Variants in ACOX2 observed in about 807,000 individuals in gnomAD.
ACOX2 encodes acyl-CoA oxidase 2, also known as peroxisomal acyl-coenzyme A oxidase 2.
A neutral mutation model predicts 77.5 loss-of-function variants in ACOX2; 59 were observed. That is an observed-to-expected ratio of 0.76 (90% CI 0.62 to 0.95). The LOEUF (loss-of-function observed/expected upper bound fraction) is 0.95. Among genes scored for constraint, ACOX2 ranks in the 40% least tolerant of loss-of-function variants. The probability of loss-of-function intolerance (pLI) is 0.00; values close to 1 mark genes in which losing one functional copy is unlikely to be tolerated. For synonymous variants in ACOX2, 317 were observed against 340.1 expected (o/e 0.93, Z 0.75); for missense variants, 837 against 880.4 (o/e 0.95, Z 0.62).
chr3:58,522,856 C>T lies in ACOX2; in HGVS notation c.1527-255G>A, dbSNP rs2063368461. The stretch of plus-strand genomic sequence containing the variant: ...GTCACACAGCTAGTAAGGAGTGGAG[C>T]CAGGATTTTGACTTGTTGTTAATCG... On this transcript the variant is annotated intron_variant, in intron 11 of 14. Transcript: ENST00000302819. This position sits in a 1 kb window ranked among gnomAD's most constrained non-coding sequence, Gnocchi z 4.3. The T allele has an allele frequency of 2.4e-6, 1 of 425,174 alleles. No individual in the cohort carries two copies. The highest frequency in any genetic ancestry group is 3.5e-5 in the Admixed American group (1 of 28,864). 26.3% of individuals were successfully genotyped at this position (425,174 alleles called of 1,614,324 possible).
chr3:58,507,518 G>A (rs960329571), intron 14 of ACOX2, among the ~76,000 whole-genome samples: 4 of 152,192 alleles, frequency 2.6e-5, no homozygotes, highest in Non-Finnish European at 5.9e-5. Flanking sequence ...TGTGTTGCCA[G>A]TATAACAGGT....
rs1054487646 is a variant in ACOX2 at position 58,522,087 on chromosome 3, ACCCAGGTCAGTG to A, written c.1632+397_1632+408del. Among the ~76,000 whole-genome samples the A allele has an allele frequency of 6.6e-6, 1 of 152,136 alleles. No homozygotes were observed. The highest frequency in any genetic ancestry group is 1.5e-5 in the Non-Finnish European group (1 of 68,036). ...ATGGGCAGTGGCTTCACTGTTGAGCACCCAGGTCAGTGCCCAGGGCAGAGTGGGTGCTCAAAT... is the reference window on the plus strand; with the variant it reads ...ATGGGCAGTGGCTTCACTGTTGAGCACCCAGGGCAGAGTGGGTGCTCAAAT... On this transcript the variant is annotated intron_variant, in intron 12 of 14. Transcript: ENST00000302819. This position sits in a 1 kb window ranked among gnomAD's most constrained non-coding sequence, Gnocchi z 4.3.
At chr3:58,518,075 C>CAAAAAAAAAAAAAAAAAA (rs763535906) in intron 12 of ACOX2, among the ~76,000 whole-genome samples, 26 of 47,678 alleles carry the variant, frequency 5.5e-4, no homozygotes, top group African/African-American at 7.3e-4. Flanking sequence ...AACTCCATCT[C>CAAAAAAAAAAAAAAAAAA]AAAAAAAAAA....
In ACOX2 at chr3:58,534,771, C is replaced by A. The variant is rs1342349701; in HGVS notation, c.160+176G>T. 1.5e-6 allele frequency: 2 copies of A among 1,355,724 alleles called. No homozygotes were observed. Among genetic ancestry groups the A allele is most frequent in the Non-Finnish European group, 2.1e-6 (2 of 970,334 alleles). The allele number at this position is 1,355,724 out of a possible 1,614,324, so 84.0% of individuals were successfully genotyped here. ...AGGACTCTTCTATCCCCTAGGTGGGCTCAGGCAATATTGACATGTGAAGAT... is the reference window on the plus strand; with the variant it reads ...AGGACTCTTCTATCCCCTAGGTGGGATCAGGCAATATTGACATGTGAAGAT... On this transcript the variant is annotated intron_variant, in intron 2 of 14. Coordinates refer to ENST00000302819, the MANE Select transcript of ACOX2 (RefSeq NM_003500.4). This position sits in a 1 kb window ranked among gnomAD's most constrained non-coding sequence, Gnocchi z 4.8.
Position 58,533,441 on chromosome 3 carries a change from T to C in ACOX2, c.583+4A>G. 22 of 1,613,092 alleles carry C rather than the reference T, an allele frequency of 1.4e-5. No individual in the cohort carries two copies. The highest frequency in any genetic ancestry group is 1.9e-5 in the Non-Finnish European group (22 of 1,179,270). On this transcript the variant is annotated splice_donor_region_variant and intron_variant, in intron 5 of 14. Coordinates refer to ENST00000302819, the MANE Select transcript of ACOX2 (RefSeq NM_003500.4). The surrounding 1 kb of genome is among the most constrained non-coding windows in gnomAD (Gnocchi z 5.6). Reference sequence around the variant, plus strand: ...TTAAGGAAGGGGGGTGGATGTATACTCACAGTCTCCAGGCCACCATTTGGT... The same window carrying C: ...TTAAGGAAGGGGGGTGGATGTATACCCACAGTCTCCAGGCCACCATTTGGT...
chr3:58,513,326 T>C (rs1421190415), intron 13 of ACOX2, among the ~76,000 whole-genome samples: 1 of 152,248 alleles, frequency 6.6e-6, no homozygotes, highest in Non-Finnish European at 1.5e-5. Context: ...CTTGAATTAT[T>C]TTATTAATGA....
intron 5 of ACOX2, among the ~76,000 whole-genome samples, chr3:58,532,186 C>T (rs2063445338): frequency 6.6e-6 from 1 of 152,104 alleles, no homozygotes; most frequent in African/African-American, 2.4e-5. Context: ...GTTAAGGAAA[C>T]AGGCTCAGAG....
Position 58,534,682 on chromosome 3 carries a change from C to A in ACOX2, c.161-160G>T. On this transcript the variant is annotated intron_variant, in intron 2 of 14. Transcript: ENST00000302819. This position sits in a 1 kb window ranked among gnomAD's most constrained non-coding sequence, Gnocchi z 4.8. Reference sequence around the variant, plus strand: ...AGGACCAAGGTGGGAAAGTGAATTGCCCAAGGTTACAAAGCTATGCAGTGG... The same window carrying A: ...AGGACCAAGGTGGGAAAGTGAATTGACCAAGGTTACAAAGCTATGCAGTGG... 6.6e-7 allele frequency: 1 copy of A among 1,506,672 alleles called. No individual in the cohort carries two copies. The highest frequency in any genetic ancestry group is 9.0e-7 in the Non-Finnish European group (1 of 1,115,848). The allele number at this position is 1,506,672 out of a possible 1,614,324, so 93.3% of individuals were successfully genotyped here. A position where few individuals can be genotyped will look rare whatever the true frequency, so the allele number is the denominator to read the frequency against.
At position 58,526,707 on chromosome 3, in the gene ACOX2, G is replaced by C; in HGVS notation, c.1156-51C>G. The C allele has an allele frequency of 1.3e-6, 2 of 1,582,990 alleles. No individual in the cohort carries two copies. The highest frequency in any genetic ancestry group is 1.7e-6 in the Non-Finnish European group (2 of 1,161,264). On this transcript the variant is annotated intron_variant, in intron 9 of 14. Transcript: ENST00000302819. This position sits in a 1 kb window ranked among gnomAD's most constrained non-coding sequence, Gnocchi z 4.3. ...GCGGTGTTAGGGGGCCTCCACCATA[G>C]GGACCAACCCTGTGCACCACTTACT...
At chr3:58,530,692 C>T (rs2063432200) in intron 7 of ACOX2, 54 bp from the exon 8 acceptor site, 3 of 1,555,840 alleles carry the variant, frequency 1.9e-6, no homozygotes, top group Non-Finnish European at 2.6e-6. Flanking sequence ...CCAGGATGCC[C>T]TCGCTTCTCC....
rs928080117 is a variant in ACOX2, at chr3:58,534,742, G to T, written c.160+205C>A. On this transcript the variant is annotated intron_variant, in intron 2 of 14. Coordinates refer to ENST00000302819, the MANE Select transcript of ACOX2 (RefSeq NM_003500.4). This position sits in a 1 kb window ranked among gnomAD's most constrained non-coding sequence, Gnocchi z 4.8. Reference sequence around the variant, plus strand: ...AGGACCAGAATCCAGGTCTTCTGCTGCCTAGGACTCTTCTATCCCCTAGGT... The same window carrying T: ...AGGACCAGAATCCAGGTCTTCTGCTTCCTAGGACTCTTCTATCCCCTAGGT... 1.6e-5 allele frequency: 21 copies of T among 1,325,180 alleles called. No homozygotes were observed. Among genetic ancestry groups the T allele is most frequent in the Non-Finnish European group, 2.1e-5 (20 of 949,334 alleles). 82.1% of individuals were successfully genotyped at this position (1,325,180 alleles called of 1,614,324 possible).
chr3:58,526,838 G>A lies in ACOX2; in HGVS notation c.1156-182C>T. ...ACTCAGCTTATGTGACTCACCCAGA[G>A]GCACACAATTAGGCAATGTAGCTGT... On this transcript the variant is annotated intron_variant, in intron 9 of 14. Coordinates refer to ENST00000302819, the MANE Select transcript of ACOX2 (RefSeq NM_003500.4). The surrounding 1 kb of genome is among the most constrained non-coding windows in gnomAD (Gnocchi z 4.3). 1 of 634,934 alleles carries A rather than the reference G, an allele frequency of 1.6e-6. No homozygotes were observed. Among genetic ancestry groups the A allele is most frequent in the Non-Finnish European group, 2.7e-6 (1 of 375,388 alleles). The allele number at this position is 634,934 out of a possible 1,614,324, so 39.3% of individuals were successfully genotyped here. A position where few individuals can be genotyped will look rare whatever the true frequency, so the allele number is the denominator to read the frequency against.
chr3:58,525,944 C>T lies in ACOX2; in HGVS notation c.1346+522G>A, dbSNP rs1010562292. Among the ~76,000 whole-genome samples the T allele has an allele frequency of 8.6e-5, 13 of 151,616 alleles. No homozygotes were observed. Among genetic ancestry groups the T allele is most frequent in the East Asian group, 3.9e-4 (2 of 5,178 alleles). On this transcript the variant is annotated intron_variant, in intron 10 of 14. Coordinates refer to ENST00000302819, the MANE Select transcript of ACOX2 (RefSeq NM_003500.4). This position sits in a 1 kb window ranked among gnomAD's most constrained non-coding sequence, Gnocchi z 5.0. ...AGGCAGGAGAATTGCTTGAACCCGGCGGGCAGAGGTTGCAGTGAGCCGAGA... is the reference window on the plus strand; with the variant it reads ...AGGCAGGAGAATTGCTTGAACCCGGTGGGCAGAGGTTGCAGTGAGCCGAGA...
chr3:58,533,094 C>T lies in ACOX2; in HGVS notation c.583+351G>A, dbSNP rs182591159. On this transcript the variant is annotated intron_variant, in intron 5 of 14. Coordinates refer to ENST00000302819, the MANE Select transcript of ACOX2 (RefSeq NM_003500.4). The surrounding 1 kb of genome is among the most constrained non-coding windows in gnomAD (Gnocchi z 5.6). ...CTGGTGGCAAGCTCTGCCACTAACTCGGGAGATGAGAGGAACCGGGGTTGT... is the reference window on the plus strand; with the variant it reads ...CTGGTGGCAAGCTCTGCCACTAACTTGGGAGATGAGAGGAACCGGGGTTGT... Among the ~76,000 whole-genome samples, 13 of 152,184 alleles carry T rather than the reference C, an allele frequency of 8.5e-5. No individual in the cohort carries two copies. The highest frequency in any genetic ancestry group is 2.6e-4 in the Admixed American group (4 of 15,282).
In ACOX2 at chr3:58,524,447, G is replaced by T. The variant is rs757224163; in HGVS notation, c.1505C>A (p.Ala502Asp). Residue 502 changes from alanine to aspartate, a missense_variant, in exon 11 of 15, where the codon GCC becomes GAC. By Grantham distance (126) the Ala-to-Asp change is moderately radical (BLOSUM62 -2). Transcript: ENST00000302819. The surrounding 1 kb of genome is among the most constrained non-coding windows in gnomAD (Gnocchi z 5.5). ...TTACCTTACTGCCACATGTGCCCAG[G>T]CCGTGGTGTAGAGCTCCGGGCAGAG... ...DFLCPELYTT[A>D]WAHVAVRLIK... 1.2e-6 allele frequency: 2 copies of T among 1,613,970 alleles called. No homozygotes were observed. Among genetic ancestry groups the T allele is most frequent in the Non-Finnish European group, 1.7e-6 (2 of 1,179,852 alleles).
chr3:58,517,575 C>G lies in ACOX2; in HGVS notation c.1633-152G>C, dbSNP rs192666608. ...GCTGCCTTTTCTCCTAGCTCTGGGT[C>G]TGATCAAGGCGTTTTGATGTTGTGT... On this transcript the variant is annotated intron_variant, in intron 12 of 14. Coordinates refer to ENST00000302819, the MANE Select transcript of ACOX2 (RefSeq NM_003500.4). 44 of 574,342 alleles carry G rather than the reference C, an allele frequency of 7.7e-5. No homozygotes were observed. The Admixed American group carries it at 1.3e-3, about 17-fold the overall frequency. 35.6% of individuals were successfully genotyped at this position (574,342 alleles called of 1,614,324 possible).
rs772480615 is a variant in ACOX2 at position 58,531,233 on chromosome 3, C to A, written c.819+18G>T. 3.1e-6 allele frequency: 5 copies of A among 1,603,690 alleles called. No homozygotes were observed. The highest frequency in any genetic ancestry group is 4.3e-6 in the Non-Finnish European group (5 of 1,173,230). Reference sequence around the variant, plus strand: ...CTCTCCAGGAAGTACAAGTCCCCGGCCTCCCCAGATCTGTAACCTGTGCAA... The same window carrying A: ...CTCTCCAGGAAGTACAAGTCCCCGGACTCCCCAGATCTGTAACCTGTGCAA... On this transcript the variant is annotated intron_variant, in intron 7 of 14. Coordinates refer to ENST00000302819, the MANE Select transcript of ACOX2 (RefSeq NM_003500.4). The surrounding 1 kb of genome is among the most constrained non-coding windows in gnomAD (Gnocchi z 5.8).
At chr3:58,529,379 T>C (rs1409703498) in intron 8 of ACOX2, among the ~76,000 whole-genome samples, 4 of 152,130 alleles carry the variant, frequency 2.6e-5, no homozygotes, top group Non-Finnish European at 5.9e-5. Flanking sequence ...GCCTAAACAA[T>C]AACTCTTAGG....
chr3:58,529,741 T>A (rs1470819793), intron 8 of ACOX2, among the ~76,000 whole-genome samples: 1 of 152,226 alleles, frequency 6.6e-6, no homozygotes, highest in African/African-American at 2.4e-5. Flanking sequence ...GAAAGGACCC[T>A]GGGCTGAGGA....
Sources: gnomAD v4.1 joint callset for allele counts (sites outside exome capture counted in the v4.1 genomes callset) on GRCh38, gnomAD v4.1.1 for gene constraint, Gnocchi (gnomAD v3.1) non-coding constraint, MANE v1.5 for transcripts, NCBI Gene and HGNC (gene_info 2026-07-23, HGNC 2026-07-21) for gene names.